MRS2: variants seen among roughly 807,000 people sequenced by gnomAD.
MRS2 encodes magnesium transporter MRS2, also known as magnesium transporter MRS2 homolog, mitochondrial.
A neutral mutation model predicts 52.6 loss-of-function variants in MRS2; 40 were observed. The ratio of observed to expected loss-of-function variants is 0.76; its 90% CI spans 0.59 to 0.99. The LOEUF (loss-of-function observed/expected upper bound fraction) is 0.99. Among genes scored for constraint, MRS2 ranks in the 50% least tolerant of loss-of-function variants. The probability of loss-of-function intolerance (pLI) is 0.00; values close to 1 mark genes in which losing one functional copy is unlikely to be tolerated. For missense variants in MRS2, 472 were observed against 532.7 expected (o/e 0.89, Z 1.12); for synonymous variants, 193 against 195.9 (o/e 0.98, Z 0.13).
At position 24,404,794 on chromosome 6, in the gene MRS2, G is replaced by A. The variant is rs80191586; in HGVS notation, c.191-374G>A. Among the ~76,000 whole-genome samples the A allele has an allele frequency of 5.4e-3, 815 of 152,334 alleles. 11 individuals are homozygous for A. Among genetic ancestry groups the A allele is most frequent in the African/African-American group, 0.017 (716 of 41,580 alleles). On this transcript the variant is annotated intron_variant, in intron 1 of 10. Coordinates refer to ENST00000378386, the MANE Select transcript of MRS2 (RefSeq NM_020662.4). ...CTAAAATGTATCTACTACCAAATGT[G>A]CATGAAGAGTCTTTTAAATTATGCG...
chr6:24,416,076 C>T (rs1157473704), intron 6 of MRS2, among the ~76,000 whole-genome samples: 1 of 152,118 alleles, frequency 6.6e-6, no homozygotes, highest in Non-Finnish European at 1.5e-5. Context: ...GCACATGCCA[C>T]CATGCCCAGC....
At chr6:24,407,737 C>A (rs1348280335) in intron 2 of MRS2, among the ~76,000 whole-genome samples, 1 of 152,104 alleles carries the variant, frequency 6.6e-6, no homozygotes, top group Non-Finnish European at 1.5e-5. Context: ...CATACTTGGT[C>A]CCAGTCTACT....
At chr6:24,423,536 C>T (rs762240269) in intron 10 of MRS2, 48 bp from the exon 11 acceptor site, 2 of 1,083,942 alleles carry the variant, frequency 1.8e-6, no homozygotes, top group Non-Finnish European at 2.7e-6. Context: ...TTACTAGTGG[C>T]TTTTCTTTTA....
At chr6:24,405,129 A>G (rs2273606) in intron 1 of MRS2, 39 bp from the exon 2 acceptor site, 213,310 of 1,485,850 alleles carry the variant, frequency 0.14, 16,900 homozygotes, top group Middle Eastern at 0.17. Context: ...GTGAAAACCA[A>G]TCATGTGACC....
chr6:24,408,552 G>A lies in MRS2; in HGVS notation c.301+108G>A, dbSNP rs186821567. The A allele has an allele frequency of 2.0e-3, 1,517 of 771,672 alleles. 4 individuals carry two copies. Among genetic ancestry groups the A allele is most frequent in the Non-Finnish European group, 3.0e-3 (1,366 of 451,474 alleles). 47.8% of individuals were successfully genotyped at this position (771,672 alleles called of 1,614,324 possible). On this transcript the variant is annotated intron_variant, in intron 3 of 10. Transcript: ENST00000378386. ...TAAAATATTCTTTGCATATACAGGTGTGTTGAAAGAGATCTTTCTTCAGCA... is the reference window on the plus strand; with the variant it reads ...TAAAATATTCTTTGCATATACAGGTATGTTGAAAGAGATCTTTCTTCAGCA...
At chr6:24,415,808 T>C (rs530706648) in intron 6 of MRS2, among the ~76,000 whole-genome samples, 1 of 152,346 alleles carries the variant, frequency 6.6e-6, no homozygotes, top group East Asian at 1.9e-4. Flanking sequence ...TCACTGATAA[T>C]TTTACCAATT....
At chr6:24,404,260 A>C (rs1761386998) in intron 1 of MRS2, among the ~76,000 whole-genome samples, 1 of 152,246 alleles carries the variant, frequency 6.6e-6, no homozygotes, top group Non-Finnish European at 1.5e-5. Flanking sequence ...TAGGACAAGC[A>C]TTGACGTTCA....
At chr6:24,416,210 C>T in intron 6 of MRS2, among the ~76,000 whole-genome samples, 187 bp from the exon 7 acceptor site, 1 of 151,938 alleles carries the variant, frequency 6.6e-6, no homozygotes, top group East Asian at 1.9e-4. Flanking sequence ...GGCGTGACAC[C>T]ATGCCTGGCC....
At chr6:24,403,565 T>G (rs1287301470) in intron 1 of MRS2, among the ~76,000 whole-genome samples, 3 of 152,198 alleles carry the variant, frequency 2.0e-5, no homozygotes, top group Non-Finnish European at 4.4e-5. Context: ...AACACCCGCT[T>G]AAGTGCTCTT....
chr6:24,419,514 A>G (rs1449026650), intron 9 of MRS2, among the ~76,000 whole-genome samples: 1 of 152,194 alleles, frequency 6.6e-6, no homozygotes, highest in Non-Finnish European at 1.5e-5. Flanking sequence ...ATTTGGCTCA[A>G]TCATTGCAAC....
intron 7 of MRS2, 94 bp downstream of exon 7, chr6:24,416,607 T>G (rs1761858473): frequency 1.3e-6 from 1 of 748,130 alleles, no homozygotes; most frequent in South Asian, 1.5e-5. Flanking sequence ...AATGTAACAT[T>G]TTTCTGGACT....
intron 9 of MRS2, chr6:24,419,131 G>A (rs139785724): frequency 0.022 from 3,454 of 154,404 alleles, 78 homozygotes; most frequent in African/African-American, 0.061. Context: ...CAGCTACTCC[G>A]GAGGCTGAGG....
chr6:24,418,170 A>G lies in MRS2; in HGVS notation c.923A>G (p.Asn308Ser), dbSNP rs746587042. The change falls in exon 8 of 11, where the codon AAT becomes AGT. Residue 308 changes from asparagine to serine, a missense_variant. Physicochemically the swap from Asn to Ser is conservative, Grantham distance 46. Transcript: ENST00000378386. ...TACCGATTGGCTGACGATCTCTCCAATGCAGCTCGTGAGCTTAGGGTGCTG... is the reference window on the plus strand; with the variant it reads ...TACCGATTGGCTGACGATCTCTCCAGTGCAGCTCGTGAGCTTAGGGTGCTG... ...NYYRLADDLS[N>S]AARELRVLID... 4 of 1,613,594 alleles carry G rather than the reference A, an allele frequency of 2.5e-6. No homozygotes were observed. Among genetic ancestry groups the G allele is most frequent in the Non-Finnish European group, 2.5e-6 (3 of 1,179,674 alleles).
In MRS2 at chr6:24,418,500, C is replaced by T. The variant is rs139938667; in HGVS notation, c.1029C>T (p.Thr343=). ...TGATGAGGTTGAATCTACAGCTGAC[C>T]ATGGGAACCTTCTCTCTTTCGCTCT... ...NVMMRLNLQL[T]MGTFSLSLFG... is the part of the protein sequence containing the mutation. The change falls in exon 9 of 11, where the codon ACC becomes ACT. Residue 343 remains threonine (T), a synonymous_variant. Transcript: ENST00000378386. The T allele has an allele frequency of 1.9e-6, 3 of 1,613,996 alleles. No individual in the cohort carries two copies. The highest frequency in any genetic ancestry group is 1.3e-5 in the African/African-American group (1 of 74,894).
intron 7 of MRS2, 123 bp from the exon 8 acceptor site, chr6:24,417,961 C>A (rs74293228): frequency 0.35 from 248,272 of 700,950 alleles, 42,582 homozygotes; most frequent in East Asian, 0.57. Context: ...AAAGACAAGA[C>A]AAGACAAAGG....
intron 4 of MRS2, among the ~76,000 whole-genome samples, chr6:24,411,884 T>TC: frequency 6.6e-6 from 1 of 151,130 alleles, no homozygotes; most frequent in Middle Eastern, 3.4e-3. Flanking sequence ...TGTTTTTTTT[T>TC]CATGATTACC....
At chr6:24,415,756 G>A (rs527284568) in intron 6 of MRS2, among the ~76,000 whole-genome samples, 31 of 152,096 alleles carry the variant, frequency 2.0e-4, no homozygotes, top group Non-Finnish European at 3.7e-4. Flanking sequence ...ATTCACAAGC[G>A]ATTTATGTTT....
chr6:24,415,027 A>T lies in MRS2; in HGVS notation c.589-6A>T, dbSNP rs775560374. The T allele has an allele frequency of 6.3e-7, 1 of 1,595,344 alleles. No individual in the cohort carries two copies. Among genetic ancestry groups the T allele is most frequent in the South Asian group, 1.1e-5 (1 of 88,386 alleles). On this transcript the variant is annotated splice_region_variant and splice_polypyrimidine_tract_variant and intron_variant, in intron 5 of 10. Transcript: ENST00000378386. ...AATTCTTATGAAAGGTCATGTTGTT[A>T]TCTAGATCAACACCCTTCAGGGGAA...
chr6:24,423,274 C>G, intron 10 of MRS2: 1 of 505,420 alleles, frequency 2.0e-6, no homozygotes, highest in Non-Finnish European at 3.5e-6. Flanking sequence ...AGCACACTGC[C>G]TAACACAATA....
Sources: gnomAD v4.1 joint callset for allele counts (sites outside exome capture counted in the v4.1 genomes callset) on GRCh38, gnomAD v4.1.1 for gene constraint, MANE v1.5 for transcripts, NCBI Gene and HGNC (gene_info 2026-07-23, HGNC 2026-07-21) for gene names.